MYPOP: variants seen among roughly 807,000 people sequenced by gnomAD.
MYPOP encodes the protein myb-related transcription factor, partner of profilin.
MYPOP carries 21 observed loss-of-function variants against 25.7 expected under a neutral mutation model. The observed-to-expected ratio is 0.82, with a 90% CI of 0.58 to 1.18. MYPOP has a LOEUF of 1.18. Among genes scored for constraint, MYPOP ranks in the 50% most tolerant of loss-of-function variants. The pLI, the probability that MYPOP is intolerant of heterozygous loss-of-function variation, is 0.00. For synonymous variants in MYPOP, 280 were observed against 247.9 expected (o/e 1.13, Z -1.22); for missense variants, 566 against 588.3 (o/e 0.96, Z 0.39).
Position 45,890,963 on chromosome 19 carries a change from A to T in MYPOP, c.860T>A (p.Leu287Gln). ...AGTLRQGLAK[L>Q]SEALSALLPL... ...CAGCAGAGCGCTGAGGGCCTCGCTC[A>T]GTTTGGCCAGTCCCTGTCGAAGGGT... The change falls in exon 3 of 3, where the codon CTG becomes CAG. Residue 287 changes from leucine (L) to glutamine (Q), a missense_variant. Coordinates refer to ENST00000322217, the MANE Select transcript of MYPOP (RefSeq NM_001012643.4). 5.4e-6 allele frequency: 8 copies of T among 1,482,882 alleles called. No individual in the cohort carries two copies. The highest frequency in any genetic ancestry group is 1.4e-5 in the South Asian group (1 of 73,766). 91.9% of individuals were successfully genotyped at this position (1,482,882 alleles called of 1,614,324 possible). A position where few individuals can be genotyped will look rare whatever the true frequency, so the allele number is the denominator to read the frequency against.
rs1049744488 is a variant in MYPOP at position 45,890,557 on chromosome 19, C to T, written c.*66G>A. The T allele has an allele frequency of 4.4e-6, 7 of 1,579,974 alleles. No homozygotes were observed. In the African/African-American group the frequency reaches 8.1e-5, roughly 18 times the overall value. ...GGGTGCAGCTGGGATGGGCAGAGAG[C>T]ATCGCCCCCCTCGACTGCGCCAAGC... On this transcript the variant is annotated 3_prime_UTR_variant, in exon 3 of 3. Transcript: ENST00000322217.
At chr19:45,894,853 G>A (rs1218506297) in intron 2 of MYPOP, among the ~76,000 whole-genome samples, 1 of 149,618 alleles carries the variant, frequency 6.7e-6, no homozygotes, top group Admixed American at 6.7e-5. Flanking sequence ...TGAGTAGCTG[G>A]GACTATAGGT....
chr19:45,893,772 C>A lies in MYPOP; in HGVS notation c.500-2449G>T, dbSNP rs189843743. 2.7e-5 allele frequency among the ~76,000 whole-genome samples: 4 copies of A among 150,466 alleles called. No homozygotes were observed. The South Asian group carries it at 6.3e-4, about 24-fold the overall frequency. On this transcript the variant is annotated intron_variant, in intron 2 of 2. Coordinates refer to ENST00000322217, the MANE Select transcript of MYPOP (RefSeq NM_001012643.4). ...ATATACTAAAAGCCATTGAATTGTACGCTGTATTTTATTTTACTTTTTTTT... is the reference window on the plus strand; with the variant it reads ...ATATACTAAAAGCCATTGAATTGTAAGCTGTATTTTATTTTACTTTTTTTT...
At chr19:45,899,629 C>T (rs988976636) in intron 2 of MYPOP, among the ~76,000 whole-genome samples, 4 of 152,082 alleles carry the variant, frequency 2.6e-5, no homozygotes, top group Admixed American at 6.6e-5. Flanking sequence ...CACCTGAGGT[C>T]GGGAGTTCCA....
At chr19:45,898,088 TA>T (rs1245615953) in intron 2 of MYPOP, among the ~76,000 whole-genome samples, 1 of 151,694 alleles carries the variant, frequency 6.6e-6, no homozygotes, top group Non-Finnish European at 1.5e-5. Context: ...CACGTCCAGC[TA>T]ATTTTTGTAT....
chr19:45,893,545 G>A, intron 2 of MYPOP, among the ~76,000 whole-genome samples: 1 of 145,032 alleles, frequency 6.9e-6, no homozygotes, highest in South Asian at 2.2e-4. Context: ...TCCAGCCTGG[G>A]CAACAAGAGC....
At chr19:45,891,617 A>G (rs1481718366) in intron 2 of MYPOP, among the ~76,000 whole-genome samples, 2 of 151,370 alleles carry the variant, frequency 1.3e-5, no homozygotes. Flanking sequence ...TTCTATTTTT[A>G]ATAAGAGACA....
intron 2 of MYPOP, among the ~76,000 whole-genome samples, chr19:45,891,976 G>A (rs764280030): frequency 6.6e-5 from 10 of 152,002 alleles, no homozygotes; most frequent in Non-Finnish European, 1.2e-4. Context: ...CTGGAGTGCA[G>A]TGGCGTGATC....
chr19:45,892,292 G>A (rs1018235030), intron 2 of MYPOP, among the ~76,000 whole-genome samples: 3 of 152,130 alleles, frequency 2.0e-5, no homozygotes, highest in African/African-American at 4.8e-5. Flanking sequence ...GAGGAAGTGA[G>A]AGAGAGGTCT....
At chr19:45,897,032 C>T (rs894893422) in intron 2 of MYPOP, among the ~76,000 whole-genome samples, 1 of 149,654 alleles carries the variant, frequency 6.7e-6, no homozygotes, top group African/African-American at 2.5e-5. Flanking sequence ...CTGGGATTAC[C>T]GGTGTGAGCC....
At chr19:45,895,232 A>T (rs1482358867) in intron 2 of MYPOP, among the ~76,000 whole-genome samples, 1 of 151,570 alleles carries the variant, frequency 6.6e-6, no homozygotes, top group Non-Finnish European at 1.5e-5. Context: ...CTGATCCTCA[A>T]ACACATCAGG....
At chr19:45,900,552 C>A (rs1008568005) in intron 2 of MYPOP, among the ~76,000 whole-genome samples, 1 of 151,694 alleles carries the variant, frequency 6.6e-6, no homozygotes, top group African/African-American at 2.4e-5. Context: ...CTTCCCCACC[C>A]CCCTACTAGA....
intron 2 of MYPOP, among the ~76,000 whole-genome samples, chr19:45,899,567 T>C (rs530725181): frequency 1.3e-5 from 2 of 151,958 alleles, no homozygotes; most frequent in African/African-American, 4.8e-5. Context: ...AGGCCGGGCG[T>C]GGTGGCTCAG....
chr19:45,893,487 G>C (rs1967154110), intron 2 of MYPOP, among the ~76,000 whole-genome samples: 1 of 147,134 alleles, frequency 6.8e-6, no homozygotes, highest in East Asian at 2.1e-4. Context: ...AGAATCGCTT[G>C]AACCCGGGAG....
Position 45,890,418 on chromosome 19 carries a change from CA to C in MYPOP, c.*204del, listed in dbSNP as rs1308640850. The stretch of plus-strand genomic sequence containing the variant: ...GGGTTAAGGGAGGCAGCCAGGCAGA[CA>C]GCACTGTACCAGAGAAAGGGGTTGG... On this transcript the variant is annotated 3_prime_UTR_variant, in exon 3 of 3. Coordinates refer to ENST00000322217, the MANE Select transcript of MYPOP (RefSeq NM_001012643.4). 1.4e-6 allele frequency: 1 copy of C among 690,726 alleles called. No individual in the cohort carries two copies. The highest frequency in any genetic ancestry group is 2.2e-6 in the Non-Finnish European group (1 of 449,902). 42.8% of individuals were successfully genotyped at this position (690,726 alleles called of 1,614,324 possible). A position where few individuals can be genotyped will look rare whatever the true frequency, so the allele number is the denominator to read the frequency against.
chr19:45,901,313 T>C lies in MYPOP; in HGVS notation c.461A>G (p.Tyr154Cys), dbSNP rs766066711. ...PPPPSACPQR[Y>C]VLSEDRREDR... ...CTCCCGGCGGTCTTCCGACAACACG[T>C]AGCGCTGAGGGCAGGCGCTTGGGGG... Residue 154 changes from tyrosine (Y) to cysteine (C), a missense_variant, in exon 2 of 3, where the codon TAC (tyrosine) becomes TGC (cysteine). By Grantham distance (194) the Tyr-to-Cys change is radical. Transcript: ENST00000322217. This position sits in a 1 kb window ranked among gnomAD's most constrained non-coding sequence, Gnocchi z 5.7. The C allele has an allele frequency of 6.8e-7, 1 of 1,459,980 alleles. No individual in the cohort carries two copies. The highest frequency in any genetic ancestry group is 1.5e-5 in the South Asian group (1 of 68,834). The allele number at this position is 1,459,980 out of a possible 1,614,324, so 90.4% of individuals were successfully genotyped here.
intron 2 of MYPOP, among the ~76,000 whole-genome samples, chr19:45,892,945 C>G (rs1320951653): frequency 6.6e-6 from 1 of 152,174 alleles, no homozygotes; most frequent in Non-Finnish European, 1.5e-5. Context: ...CAAAGAACCA[C>G]AGATCACAGG....
intron 2 of MYPOP, among the ~76,000 whole-genome samples, chr19:45,899,713 A>G (rs1168630073): frequency 1.3e-5 from 2 of 151,938 alleles, no homozygotes; most frequent in Non-Finnish European, 2.9e-5. Context: ...GGTGGCAGGC[A>G]CCTGTAATCC....
rs917567860 is a variant in MYPOP at position 45,890,218 on chromosome 19, C to G, written c.*405G>C. On this transcript the variant is annotated 3_prime_UTR_variant, in exon 3 of 3. Transcript: ENST00000322217. ...ATCCGTATTTTGATTTGTCTTACAA[C>G]TCCCACCCGCTCCAAAGTCTGGGTT... 5.8e-6 allele frequency: 1 copy of G among 172,112 alleles called. No individual in the cohort carries two copies. Among genetic ancestry groups the G allele is most frequent in the Non-Finnish European group, 1.2e-5 (1 of 81,038 alleles). 10.7% of individuals were successfully genotyped at this position (172,112 alleles called of 1,614,324 possible). A position where few individuals can be genotyped will look rare whatever the true frequency, so the allele number is the denominator to read the frequency against.
Sources: allele counts gnomAD v4.1 joint callset (sites outside exome capture counted in the v4.1 genomes callset), GRCh38; gene constraint gnomAD v4.1.1; non-coding constraint Gnocchi (gnomAD v3.1); transcripts MANE v1.5; gene names NCBI Gene and HGNC (gene_info 2026-07-23, HGNC 2026-07-21).